The following STAC variants were observed in gnomAD, a reference collection of about 807,000 sequenced individuals.
STAC encodes the protein SH3 and cysteine rich domain.
In STAC, 43 loss-of-function variants were observed where a neutral mutation model predicts 48.8. That is an observed-to-expected ratio of 0.88 (90% CI 0.69 to 1.14). The LOEUF (loss-of-function observed/expected upper bound fraction) is 1.14. Among genes scored for constraint, STAC ranks in the 50% most tolerant of loss-of-function variants. The pLI, the probability that STAC is intolerant of heterozygous loss-of-function variation, is 0.00. For synonymous variants in STAC, 193 were observed against 179.5 expected (o/e 1.07, Z -0.60); for missense variants, 497 against 504.0 (o/e 0.99, Z 0.13).
chr3:36,425,802 G>T (rs1225655362), intron 1 of STAC, among the ~76,000 whole-genome samples: 1 of 152,204 alleles, frequency 6.6e-6, no homozygotes, highest in South Asian at 2.1e-4. Context: ...AACGCAGGGG[G>T]GATGGCTTGA....
intron 10 of STAC, among the ~76,000 whole-genome samples, chr3:36,542,617 C>A (rs1188184674): frequency 1.3e-5 from 2 of 152,082 alleles, no homozygotes; most frequent in Non-Finnish European, 2.9e-5. Context: ...TGTTTCTTAC[C>A]CCATTGGCTA....
chr3:36,417,481 T>G (rs543844033), intron 1 of STAC, among the ~76,000 whole-genome samples: 1 of 145,350 alleles, frequency 6.9e-6, no homozygotes, highest in African/African-American at 2.5e-5. Context: ...ATTTTTCTAT[T>G]GTTTGCTTTA....
At chr3:36,418,049 A>C (rs769623299) in intron 1 of STAC, among the ~76,000 whole-genome samples, 8 of 151,978 alleles carry the variant, frequency 5.3e-5, no homozygotes, top group Non-Finnish European at 1.2e-4. Flanking sequence ...TTTTAGTGGG[A>C]TATTTTCTTT....
chr3:36,454,359 G>A (rs1191229976), intron 2 of STAC, among the ~76,000 whole-genome samples: 2 of 151,784 alleles, frequency 1.3e-5, no homozygotes, highest in African/African-American at 2.4e-5. Flanking sequence ...CACTCACCAC[G>A]AACGTCTGCA....
In STAC at chr3:36,532,183, T is replaced by A. The variant is rs556207838; in HGVS notation, c.1110+3198T>A. Among the ~76,000 whole-genome samples, 4 of 152,272 alleles carry A rather than the reference T, an allele frequency of 2.6e-5. No individual in the cohort carries two copies. In the East Asian group the frequency reaches 7.7e-4, roughly 29 times the overall value. ...TCTGCTGCTGCTTATATAGATGCAA[T>A]AACCCCAAGAGGTGTATGCCATCTA... On this transcript the variant is annotated intron_variant, in intron 10 of 10. Transcript: ENST00000273183.
intron 5 of STAC, among the ~76,000 whole-genome samples, chr3:36,491,331 G>C (rs139881494): frequency 1.7e-4 from 26 of 152,256 alleles, no homozygotes; most frequent in African/African-American, 6.3e-4. Context: ...ACTTTCAAAT[G>C]TTCTAAAATA....
chr3:36,398,876 T>C (rs114608417), intron 1 of STAC, among the ~76,000 whole-genome samples: 141 of 152,236 alleles, frequency 9.3e-4, no homozygotes, highest in African/African-American at 3.4e-3. Flanking sequence ...TCACCTCTAG[T>C]TGAGGTCTCT....
intron 1 of STAC, among the ~76,000 whole-genome samples, chr3:36,422,974 A>G (rs1263923892): frequency 6.6e-6 from 1 of 152,142 alleles, no homozygotes; most frequent in Non-Finnish European, 1.5e-5. Context: ...AAAAATATAG[A>G]TATTTATTCC....
chr3:36,435,159 T>C (rs1167109367), intron 1 of STAC, among the ~76,000 whole-genome samples: 1 of 152,130 alleles, frequency 6.6e-6, no homozygotes, highest in African/African-American at 2.4e-5. Flanking sequence ...CCTACCACGG[T>C]ACATTACTCT....
At chr3:36,545,075 G>A (rs1575276560) in intron 10 of STAC, among the ~76,000 whole-genome samples, 6 of 152,268 alleles carry the variant, frequency 3.9e-5, no homozygotes, top group Admixed American at 3.9e-4. Context: ...CCTTTCACCA[G>A]GTGGGTGCAC....
chr3:36,512,046 G>T (rs1365145774), intron 8 of STAC, among the ~76,000 whole-genome samples: 1 of 152,156 alleles, frequency 6.6e-6, no homozygotes, highest in African/African-American at 2.4e-5. Flanking sequence ...GAGATCTGCT[G>T]CCAGGTGATT....
intron 2 of STAC, among the ~76,000 whole-genome samples, chr3:36,469,559 C>A (rs191547904): frequency 1.3e-3 from 200 of 152,270 alleles, no homozygotes; most frequent in African/African-American, 4.2e-3. Flanking sequence ...TGTGCCCAGG[C>A]AATGATCTTT....
chr3:36,546,147 G>C (rs1699438766), intron 10 of STAC, 44 bp from the exon 11 acceptor site: 1 of 1,551,130 alleles, frequency 6.4e-7, no homozygotes, highest in Admixed American at 1.7e-5. Flanking sequence ...CTTCGTTCTT[G>C]CTGACAGTAA....
intron 5 of STAC, among the ~76,000 whole-genome samples, chr3:36,490,354 C>T (rs1367432655): frequency 6.6e-6 from 1 of 152,208 alleles, no homozygotes; most frequent in African/African-American, 2.4e-5. Context: ...ACCATCTCCC[C>T]TTACAAGTCA....
chr3:36,440,228 T>G (rs1176893178), intron 1 of STAC, among the ~76,000 whole-genome samples: 2 of 152,188 alleles, frequency 1.3e-5, no homozygotes, highest in South Asian at 4.1e-4. Context: ...TCCCACCACA[T>G]GCATAGCATG....
At chr3:36,448,189 C>CTTTAT (rs1421003674) in intron 2 of STAC, among the ~76,000 whole-genome samples, 17 of 68,732 alleles carry the variant, frequency 2.5e-4, no homozygotes, top group African/African-American at 5.4e-4. Flanking sequence ...TTTTATTTTA[C>CTTTAT]TTTATTTTAC....
intron 6 of STAC, among the ~76,000 whole-genome samples, chr3:36,494,784 T>C (rs546956413): frequency 2.3e-4 from 35 of 152,260 alleles, no homozygotes; most frequent in African/African-American, 7.9e-4. Context: ...AGAGACAAAT[T>C]AGAGGGTATT....
At chr3:36,415,445 G>A (rs546218513) in intron 1 of STAC, among the ~76,000 whole-genome samples, 12 of 152,286 alleles carry the variant, frequency 7.9e-5, no homozygotes, top group South Asian at 2.1e-4. Flanking sequence ...GCAAGGCTCC[G>A]TGGGCGTGGG....
intron 1 of STAC, among the ~76,000 whole-genome samples, chr3:36,435,048 C>T (rs1308027904): frequency 6.6e-6 from 1 of 152,180 alleles, no homozygotes. Context: ...CATTCTGTAA[C>T]TTGCTAGCCA....
Sources: gnomAD v4.1 joint callset for allele counts (sites outside exome capture counted in the v4.1 genomes callset) on GRCh38, gnomAD v4.1.1 for gene constraint, MANE v1.5 for transcripts, NCBI Gene and HGNC (gene_info 2026-07-23, HGNC 2026-07-21) for gene names.